Variants in TMEM131L observed in about 807,000 individuals in gnomAD.
TMEM131L encodes the protein transmembrane 131 like.
In TMEM131L, 54 loss-of-function variants were observed where a neutral mutation model predicts 192.2. The observed-to-expected ratio is 0.28, with a 90% CI of 0.23 to 0.35. TMEM131L has a LOEUF of 0.35. Ranked by LOEUF, TMEM131L falls within the 10% of genes least tolerant of loss-of-function variation. The pLI, the probability that TMEM131L is intolerant of heterozygous loss-of-function variation, is 1.00. For synonymous variants in TMEM131L, 701 were observed against 704.9 expected, an observed-to-expected ratio of 0.99 and a Z score of 0.09; for missense variants, 1,888 against 1,972.9, an observed-to-expected ratio of 0.96 and a Z score of 0.82.
intron 25 of TMEM131L, among the ~76,000 whole-genome samples, chr4:153,610,874 C>T (rs960501389): frequency 1.3e-5 from 2 of 152,142 alleles, no homozygotes; most frequent in African/African-American, 4.8e-5. Flanking sequence ...AATATTTGCT[C>T]TGCCCTATGG....
chr4:153,538,918 G>A (rs970271290), intron 3 of TMEM131L, among the ~76,000 whole-genome samples: 2 of 146,110 alleles, frequency 1.4e-5, no homozygotes, highest in African/African-American at 4.9e-5. Context: ...AACTGCCGGC[G>A]CGATACTTCG....
chr4:153,476,028 G>A (rs532496349), intron 3 of TMEM131L, among the ~76,000 whole-genome samples: 12 of 151,698 alleles, frequency 7.9e-5, no homozygotes, highest in South Asian at 2.1e-4. Context: ...GTGTGATCTC[G>A]GCCTACTGCA....
Position 153,577,486 on chromosome 4 carries a change from T to C in TMEM131L, c.661-3340T>C, listed in dbSNP as rs371795193. Among the ~76,000 whole-genome samples the C allele has an allele frequency of 4.6e-5, 7 of 152,304 alleles. No homozygotes were observed. In the East Asian group the frequency reaches 9.6e-4, roughly 21 times the overall value. ...TTTTGACTTTGTAGGCTGTACAGTCTCTGTTGCAAGTACTCAACTCTGCTA... is the reference window on the plus strand; with the variant it reads ...TTTTGACTTTGTAGGCTGTACAGTCCCTGTTGCAAGTACTCAACTCTGCTA... On this transcript the variant is annotated intron_variant, in intron 7 of 34. Transcript: ENST00000409959.
chr4:153,580,902 A>C lies in TMEM131L; in HGVS notation c.737A>C (p.Lys246Thr). ...SLHNKVCQQL[K>T]GCYLESDDVL... ...CATAATAAAGTGTGTCAGCAATTAA[A>C]GGTAAAATAAAATGTGTAGTGTTTT... The change falls in exon 8 of 35, where the codon AAG becomes ACG. Residue 246 changes from lysine (K) to threonine (T), a missense_variant and splice_region_variant. By Grantham distance (78) the Lys-to-Thr change is moderately conservative (BLOSUM62 -1). Transcript: ENST00000409959. 1.9e-6 allele frequency: 3 copies of C among 1,591,478 alleles called. No individual in the cohort carries two copies. The South Asian group carries it at 3.3e-5, about 18-fold the overall frequency.
In TMEM131L at chr4:153,621,835, C is replaced by G. The variant is rs1364438084; in HGVS notation, c.3845C>G (p.Ala1282Gly). Residue 1282 changes from alanine to glycine, a missense_variant, in exon 28 of 35, where the codon GCC (alanine) becomes GGC (glycine). Coordinates refer to ENST00000409959, the MANE Select transcript of TMEM131L (RefSeq NM_001131007.2). Reference protein sequence around the residue: ...DAEIASSLPAAQREAEGYYQK... With the variant: ...DAEIASSLPAGQREAEGYYQK... ...GAAATTGCAAGCAGTTTACCTGCTGCCCAGAGAGAGGCAGGTATGTAATGA... is the reference window on the plus strand; with the variant it reads ...GAAATTGCAAGCAGTTTACCTGCTGGCCAGAGAGAGGCAGGTATGTAATGA... The G allele has an allele frequency of 1.2e-6, 2 of 1,613,904 alleles. No homozygotes were observed. The highest frequency in any genetic ancestry group is 1.7e-6 in the Non-Finnish European group (2 of 1,179,882).
At chr4:153,634,124 T>C (rs983719950) in intron 32 of TMEM131L, 68 bp from the exon 33 acceptor site, 3 of 1,331,678 alleles carry the variant, frequency 2.3e-6, no homozygotes, top group Non-Finnish European at 3.2e-6. Context: ...AGTAAAATCA[T>C]TTTCCATTTT....
intron 3 of TMEM131L, 93 bp from the exon 4 acceptor site, chr4:153,549,980 T>C: frequency 1.9e-6 from 1 of 532,436 alleles, no homozygotes; most frequent in Non-Finnish European, 3.3e-6. Flanking sequence ...AAATTATATG[T>C]CATGCATTGA....
rs551689202 is a variant in TMEM131L at position 153,574,723 on chromosome 4, G to A, written c.661-6103G>A. Reference sequence around the variant, plus strand: ...CAGCTTCAGCCTCCCGAGAAGCTGAGATTACAGGCGTGTGCCACCATGCCC... The same window carrying A: ...CAGCTTCAGCCTCCCGAGAAGCTGAAATTACAGGCGTGTGCCACCATGCCC... On this transcript the variant is annotated intron_variant, in intron 7 of 34. Coordinates refer to ENST00000409959, the MANE Select transcript of TMEM131L (RefSeq NM_001131007.2). 1.8e-4 allele frequency among the ~76,000 whole-genome samples: 28 copies of A among 152,314 alleles called. No homozygotes were observed. The East Asian group carries it at 3.5e-3, about 19-fold the overall frequency.
Position 153,636,312 on chromosome 4 carries a change from A to T in TMEM131L, c.4569A>T (p.Thr1523=). 2 of 1,613,484 alleles carry T rather than the reference A, an allele frequency of 1.2e-6. No individual in the cohort carries two copies. The highest frequency in any genetic ancestry group is 1.3e-5 in the African/African-American group (1 of 74,994). The change falls in exon 35 of 35, where the codon ACA becomes ACT. Residue 1523 remains threonine, a synonymous_variant. Coordinates refer to ENST00000409959, the MANE Select transcript of TMEM131L (RefSeq NM_001131007.2). ...CATTTATACTTCAGCCCTACCTCAC[A>T]AGCACCCGAAGCTTGTCTCCAATGT... The part of the protein sequence containing the change: ...ASFISSPPYL[T]STRSLSPMSG...
chr4:153,473,814 A>G (rs1343428305), intron 2 of TMEM131L, 31 bp from the exon 3 acceptor site: 1 of 1,530,258 alleles, frequency 6.5e-7, no homozygotes, highest in Non-Finnish European at 8.8e-7. Context: ...ACAAACAGAA[A>G]CAACGGTTAA....
At chr4:153,542,027 C>T (rs375855217) in intron 3 of TMEM131L, among the ~76,000 whole-genome samples, 6 of 152,158 alleles carry the variant, frequency 3.9e-5, no homozygotes, top group African/African-American at 7.2e-5. Flanking sequence ...TGGCCCTTTC[C>T]GAATCCAGGA....
intron 26 of TMEM131L, among the ~76,000 whole-genome samples, chr4:153,617,073 C>T (rs1487589750): frequency 1.3e-5 from 2 of 152,174 alleles, no homozygotes; most frequent in African/African-American, 4.8e-5. Flanking sequence ...ACAATTCCCA[C>T]ATGTCATGGG....
intron 3 of TMEM131L, among the ~76,000 whole-genome samples, chr4:153,474,571 T>C (rs1731392403): frequency 6.6e-6 from 1 of 152,172 alleles, no homozygotes; most frequent in Admixed American, 6.5e-5. Flanking sequence ...TTAAGTGTGG[T>C]GTGAATTGTT....
intron 25 of TMEM131L, among the ~76,000 whole-genome samples, chr4:153,605,998 T>A (rs1010219713): frequency 2.0e-5 from 3 of 152,220 alleles, no homozygotes; most frequent in African/African-American, 7.2e-5. Flanking sequence ...AGTGGACTTA[T>A]GTCTGCAGGG....
At chr4:153,566,548 T>C (rs1729218964) in intron 7 of TMEM131L, among the ~76,000 whole-genome samples, 1 of 151,140 alleles carries the variant, frequency 6.6e-6, no homozygotes, top group East Asian at 1.9e-4. Flanking sequence ...TGTGTGTGTG[T>C]GTGTCTCAAC....
At chr4:153,597,769 CA>C (rs1346446161) in intron 20 of TMEM131L, among the ~76,000 whole-genome samples, 1 of 151,950 alleles carries the variant, frequency 6.6e-6, no homozygotes, top group East Asian at 1.9e-4. Flanking sequence ...CTCGTCCCTA[CA>C]AAAATACAAA....
At chr4:153,585,656 T>G (rs1011125687) in intron 13 of TMEM131L, 45 bp downstream of exon 13, 2 of 1,422,544 alleles carry the variant, frequency 1.4e-6, no homozygotes, top group Non-Finnish European at 1.9e-6. Context: ...ATTTTAAGCT[T>G]TGTTTAAGGT....
At chr4:153,597,055 T>A (rs1187546432) in intron 20 of TMEM131L, among the ~76,000 whole-genome samples, 2 of 152,172 alleles carry the variant, frequency 1.3e-5, no homozygotes, top group African/African-American at 4.8e-5. Flanking sequence ...ACATTTGAGT[T>A]ATTTTTTCAA....
chr4:153,494,274 A>G (rs1382229017), intron 3 of TMEM131L, among the ~76,000 whole-genome samples: 1 of 152,222 alleles, frequency 6.6e-6, no homozygotes, highest in African/African-American at 2.4e-5. Context: ...TTAAGGAAGT[A>G]GGATAAATTT....
Sources: gnomAD v4.1 joint callset for allele counts (sites outside exome capture counted in the v4.1 genomes callset) on GRCh38, gnomAD v4.1.1 for gene constraint, MANE v1.5 for transcripts, NCBI Gene and HGNC (gene_info 2026-07-23, HGNC 2026-07-21) for gene names.